The following DLAT variants were observed in gnomAD, a reference collection of about 807,000 sequenced individuals.
DLAT encodes the protein dihydrolipoamide S-acetyltransferase, also known as dihydrolipoyllysine-residue acetyltransferase component of pyruvate dehydrogenase complex, mitochondrial.
DLAT carries 43 observed loss-of-function variants against 68.0 expected under a neutral mutation model. The ratio of observed to expected loss-of-function variants is 0.63; its 90% confidence interval spans 0.50 to 0.81. The LOEUF (loss-of-function observed/expected upper bound fraction) is 0.81. Ranked by LOEUF, DLAT falls within the 40% of genes least tolerant of loss-of-function variation. DLAT has a pLI of 0.00. For missense variants in DLAT, 745 were observed against 815.4 expected, an observed-to-expected ratio of 0.91 and a Z score of 1.05; for synonymous variants, 265 against 288.6, an observed-to-expected ratio of 0.92 and a Z score of 0.83.
intron 11 of DLAT, among the ~76,000 whole-genome samples, chr11:112,059,048 G>A (rs587627123): frequency 6.5e-4 from 98 of 149,694 alleles, no homozygotes; most frequent in African/African-American, 2.3e-3. Context: ...ATCTGATATT[G>A]TGTAAAAAAA....
At chr11:112,039,643 T>C (rs1298690998) in intron 7 of DLAT, among the ~76,000 whole-genome samples, 1 of 152,178 alleles carries the variant, frequency 6.6e-6, no homozygotes, top group Non-Finnish European at 1.5e-5. Flanking sequence ...TTTTTTTTCC[T>C]CTTCTATTCA....
At position 112,060,069 on chromosome 11, in the gene DLAT, G is replaced by A; in HGVS notation, c.1677+4G>A. On this transcript the variant is annotated splice_donor_region_variant and intron_variant, in intron 12 of 13. Transcript: ENST00000280346. ...ACTACAGCCACATGAATTCCAGGTA[G>A]GGTATTAATTATTGCTTTCTAATTA... The A allele has an allele frequency of 6.2e-7, 1 of 1,612,688 alleles. No homozygotes were observed. The highest frequency in any genetic ancestry group is 8.5e-7 in the Non-Finnish European group (1 of 1,179,144).
chr11:112,031,081 A>G (rs1350538686), intron 4 of DLAT, among the ~76,000 whole-genome samples: 3 of 152,244 alleles, frequency 2.0e-5, no homozygotes, highest in Non-Finnish European at 2.9e-5. Context: ...AAGATACTGT[A>G]TAGAGATTAT....
chr11:112,037,178 G>A, intron 5 of DLAT, 95 bp from the exon 6 acceptor site: 1 of 1,257,146 alleles, frequency 8.0e-7, no homozygotes, highest in Non-Finnish European at 1.1e-6. Context: ...TAGCTAGCTT[G>A]AATGAGAAAA....
intron 4 of DLAT, chr11:112,030,142 C>T (rs1350495087): frequency 4.3e-6 from 3 of 700,612 alleles, no homozygotes; most frequent in Non-Finnish European, 7.8e-6. Flanking sequence ...AAATCTCCAC[C>T]CTAAATCATG....
chr11:112,055,235 A>ATTTTTTTTT (rs66865041), intron 11 of DLAT, among the ~76,000 whole-genome samples: 1 of 75,444 alleles, frequency 1.3e-5, no homozygotes, highest in Non-Finnish European at 2.5e-5. Context: ...GTCAAGGCCT[A>ATTTTTTTTT]TTTTTTTTTT....
intron 2 of DLAT, among the ~76,000 whole-genome samples, chr11:112,026,986 G>T (rs1402090264): frequency 7.9e-5 from 12 of 151,522 alleles, no homozygotes; most frequent in Non-Finnish European, 1.5e-4. Context: ...CTGGCTGGGC[G>T]GGGGGCTGGC....
chr11:112,025,411 G>A lies in DLAT; in HGVS notation c.-62G>A. On this transcript the variant is annotated 5_prime_UTR_variant, in exon 1 of 14. Coordinates refer to ENST00000280346, the MANE Select transcript of DLAT (RefSeq NM_001931.5). ...CGGTGTGGCTGACGGCAACGCCGCTGCTCTTGGAGAGGTCACTCCGGAGAC... is the reference window on the plus strand; with the variant it reads ...CGGTGTGGCTGACGGCAACGCCGCTACTCTTGGAGAGGTCACTCCGGAGAC... 6.4e-7 allele frequency: 1 copy of A among 1,567,756 alleles called. No homozygotes were observed. Among genetic ancestry groups the A allele is most frequent in the Non-Finnish European group, 8.6e-7 (1 of 1,161,890 alleles).
chr11:112,062,710 C>A lies in DLAT; in HGVS notation c.*175C>A. Reference sequence around the variant, plus strand: ...CTGAATTTTTAAAATGCCGATTACACCCAAATATTGTGCACATTTAATAAT... The same window carrying A: ...CTGAATTTTTAAAATGCCGATTACAACCAAATATTGTGCACATTTAATAAT... On this transcript the variant is annotated 3_prime_UTR_variant, in exon 14 of 14. Transcript: ENST00000280346. The A allele has an allele frequency of 1.4e-6, 1 of 702,106 alleles. No individual in the cohort carries two copies. The highest frequency in any genetic ancestry group is 2.3e-6 in the Non-Finnish European group (1 of 429,564). 43.5% of individuals were successfully genotyped at this position (702,106 alleles called of 1,614,324 possible).
At chr11:112,044,228 T>C (rs893768409) in intron 8 of DLAT, among the ~76,000 whole-genome samples, 40 of 152,312 alleles carry the variant, frequency 2.6e-4, no homozygotes, top group African/African-American at 8.7e-4. Flanking sequence ...ACAGTCTCAC[T>C]CTGTCGCCCA....
At chr11:112,059,535 G>A (rs928385483) in intron 11 of DLAT, among the ~76,000 whole-genome samples, 13 of 152,036 alleles carry the variant, frequency 8.6e-5, no homozygotes, top group African/African-American at 3.1e-4. Flanking sequence ...TGGCACTACA[G>A]CTGTGCACCA....
intron 2 of DLAT, among the ~76,000 whole-genome samples, chr11:112,026,682 C>G (rs1351431118): frequency 3.3e-5 from 5 of 152,122 alleles, no homozygotes; most frequent in Non-Finnish European, 5.9e-5. Flanking sequence ...TTCTTAGTAC[C>G]GAGCAAAATG....
chr11:112,038,802 C>T (rs916521306), intron 6 of DLAT, among the ~76,000 whole-genome samples: 3 of 150,836 alleles, frequency 2.0e-5, no homozygotes, highest in Non-Finnish European at 4.4e-5. Context: ...GCCAAGTTTG[C>T]GCCACTGCAC....
At chr11:112,026,158 G>C (rs374511809) in intron 1 of DLAT, 40 bp from the exon 2 acceptor site, 92 of 1,437,720 alleles carry the variant, frequency 6.4e-5, no homozygotes, top group Non-Finnish European at 8.6e-5. Flanking sequence ...GAGTTAGGTA[G>C]TCCTTAAAAA....
rs57586330 is a variant in DLAT at position 112,029,028 on chromosome 11, A to C, written c.660+83A>C. Reference sequence around the variant, plus strand: ...TCATAGATGGCTACTACATCTTGGAAACTGACATTAAATGTGGTTAGGTCT... The same window carrying C: ...TCATAGATGGCTACTACATCTTGGACACTGACATTAAATGTGGTTAGGTCT... On this transcript the variant is annotated intron_variant, in intron 4 of 13. Transcript: ENST00000280346. The C allele has an allele frequency of 1.5e-3, 2,299 of 1,494,916 alleles. 21 individuals carry two copies. In the African/African-American group the frequency reaches 0.02, roughly 13 times the overall value. The allele number at this position is 1,494,916 out of a possible 1,614,324, so 92.6% of individuals were successfully genotyped here.
At chr11:112,054,279 C>T (rs1863865082) in intron 11 of DLAT, among the ~76,000 whole-genome samples, 1 of 151,908 alleles carries the variant, frequency 6.6e-6, no homozygotes, top group African/African-American at 2.4e-5. Context: ...TTGCACGCGC[C>T]ACTGCACTCC....
chr11:112,026,477 C>G lies in DLAT; in HGVS notation c.381+178C>G, dbSNP rs587747134. Among the ~76,000 whole-genome samples the G allele has an allele frequency of 3.6e-4, 55 of 152,054 alleles. 1 individual carries two copies. The highest frequency in any genetic ancestry group is 3.1e-3 in the Admixed American group (47 of 15,278). On this transcript the variant is annotated intron_variant, in intron 2 of 13. Coordinates refer to ENST00000280346, the MANE Select transcript of DLAT (RefSeq NM_001931.5). ...CTAGGCAGAGGATCCTGCGGCCTTC[C>G]GCAGTGTTTGTGTCCCTGGGTACTT...
intron 11 of DLAT, among the ~76,000 whole-genome samples, chr11:112,054,173 A>C (rs1863854354): frequency 6.6e-6 from 1 of 151,354 alleles, no homozygotes; most frequent in East Asian, 1.9e-4. Context: ...AAAAATAGCT[A>C]GGTATGGTGG....
intron 11 of DLAT, among the ~76,000 whole-genome samples, chr11:112,053,033 T>C (rs1431497123): frequency 6.6e-6 from 1 of 152,152 alleles, no homozygotes; most frequent in African/African-American, 2.4e-5. Flanking sequence ...TTACTAATAT[T>C]TATTAATATT....
Sources: allele counts gnomAD v4.1 joint callset (sites outside exome capture counted in the v4.1 genomes callset), GRCh38; gene constraint gnomAD v4.1.1; transcripts MANE v1.5; gene names NCBI Gene and HGNC (gene_info 2026-07-23, HGNC 2026-07-21).